Variants in AMOTL1 observed in about 807,000 individuals in gnomAD.
The protein encoded by AMOTL1 is angiomotin like 1.
A neutral mutation model predicts 102.9 loss-of-function variants in AMOTL1; 45 were observed. That is an observed-to-expected ratio of 0.44 (90% CI 0.34 to 0.56). AMOTL1 has a LOEUF of 0.56. AMOTL1 is among the 20% of genes least tolerant of loss of function. The pLI is 0.01. For missense variants in AMOTL1, 1,114 were observed against 1,225.6 expected (o/e 0.91, Z 1.36); for synonymous variants, 481 against 484.7 (o/e 0.99, Z 0.10).
intron 1 of AMOTL1, among the ~76,000 whole-genome samples, chr11:94,715,133 T>C (rs370050333): frequency 2.4e-4 from 36 of 152,280 alleles, no homozygotes; most frequent in African/African-American, 8.4e-4. Flanking sequence ...TATGGCTTAT[T>C]TAAAAGTGTG....
In AMOTL1 at chr11:94,741,205, C is replaced by CGTGTGTGTGT. The variant is rs148548948; in HGVS notation, c.136+223_136+232dup. ...CAGGGCAAGTGTCCAATGAGCCGTG[C>CGTGTGTGTGT]GTGTGTGTGTGTGTGCGTGCGTGTG... On this transcript the variant is annotated intron_variant, in intron 3 of 4. Coordinates refer to the AMOTL1 transcript ENST00000299004. Among the ~76,000 whole-genome samples the CGTGTGTGTGT allele has an allele frequency of 7.6e-4, 114 of 150,272 alleles. 2 individuals are homozygous for CGTGTGTGTGT. The South Asian group carries it at 0.015, about 20-fold the overall frequency.
intron 6 of AMOTL1, among the ~76,000 whole-genome samples, chr11:94,837,930 C>T (rs949746538): frequency 6.6e-6 from 1 of 152,172 alleles, no homozygotes; most frequent in Non-Finnish European, 1.5e-5. Context: ...AACTGGAAAA[C>T]ATACTGAAAT....
chr11:94,711,194 T>C (rs1404419654), intron 1 of AMOTL1, among the ~76,000 whole-genome samples: 1 of 152,134 alleles, frequency 6.6e-6, no homozygotes, highest in African/African-American at 2.4e-5. Context: ...GTTTGACAGA[T>C]CCATCTCATT....
chr11:94,853,403 A>G (rs333026), intron 7 of AMOTL1, among the ~76,000 whole-genome samples: 21,693 of 151,210 alleles, frequency 0.14, 3,454 homozygotes, highest in African/African-American at 0.4. Context: ...TGTGGTGTTT[A>G]GTTTTCTGTT....
intron 3 of AMOTL1, among the ~76,000 whole-genome samples, chr11:94,761,491 G>A (rs1022377518): frequency 2.6e-5 from 4 of 151,818 alleles, no homozygotes; most frequent in African/African-American, 9.7e-5. Flanking sequence ...GCCTGGCCCA[G>A]GACTTTATTT....
At chr11:94,850,967 G>A (rs772307949) in intron 7 of AMOTL1, among the ~76,000 whole-genome samples, 2 of 152,178 alleles carry the variant, frequency 1.3e-5, no homozygotes, top group Non-Finnish European at 2.9e-5. Context: ...AACCTCCCCC[G>A]ATGCTAAGTA....
intron 1 of AMOTL1, among the ~76,000 whole-genome samples, chr11:94,718,083 T>C (rs1950122361): frequency 6.6e-6 from 1 of 151,960 alleles, no homozygotes; most frequent in South Asian, 2.1e-4. Context: ...GAAATCTCAC[T>C]CCCTTCCCTA....
intron 1 of AMOTL1, among the ~76,000 whole-genome samples, chr11:94,708,317 C>T (rs570086823): frequency 4.6e-5 from 7 of 152,262 alleles, no homozygotes; most frequent in Admixed American, 1.3e-4. Context: ...CTTGTAGGTG[C>T]TTTAAGGAGA....
In AMOTL1 at chr11:94,859,554, G is replaced by C. The variant is rs553703205; in HGVS notation, c.1974G>C (p.Met658Ile). Residue 658 changes from methionine (M) to isoleucine (I), a missense_variant, in exon 9 of 13, where the codon ATG becomes ATC. Physicochemically the swap from Met to Ile is conservative, Grantham distance 10. Coordinates refer to ENST00000433060, the MANE Select transcript of AMOTL1 (RefSeq NM_130847.3). ...QKHGNGQPAN[M>I]PEYNAPALLE... is the part of the protein sequence containing the mutation. ...ATGGAAATGGCCAGCCAGCCAACAT[G>C]CCGGAATACAATGCCCCAGCCCTCC... 93 of 1,613,100 alleles carry C rather than the reference G, an allele frequency of 5.8e-5. No individual in the cohort carries two copies. The highest frequency in any genetic ancestry group is 5.0e-4 in the Middle Eastern group (3 of 6,056).
chr11:94,727,722 G>A (rs938393978), intron 1 of AMOTL1, among the ~76,000 whole-genome samples: 10 of 152,128 alleles, frequency 6.6e-5, no homozygotes, highest in African/African-American at 1.7e-4. Context: ...CTATTACACT[G>A]TGCCATATTC....
chr11:94,866,993 T>G (rs1309180605), intron 11 of AMOTL1, among the ~76,000 whole-genome samples: 1 of 152,102 alleles, frequency 6.6e-6, no homozygotes, highest in East Asian at 1.9e-4. Context: ...GTCCTCCACA[T>G]CCTTCCCCTG....
chr11:94,840,669 T>C (rs900551941), intron 6 of AMOTL1, among the ~76,000 whole-genome samples: 5 of 126,748 alleles, frequency 3.9e-5, no homozygotes, highest in Admixed American at 3.7e-4. Context: ...TATATATATA[T>C]ATATATATAT....
chr11:94,858,238 A>C (rs893979552), intron 8 of AMOTL1, among the ~76,000 whole-genome samples: 1 of 152,218 alleles, frequency 6.6e-6, no homozygotes, highest in Non-Finnish European at 1.5e-5. Flanking sequence ...GTGCCTGGCC[A>C]GATGGAGTCA....
chr11:94,772,711 C>A (rs768733680), intron 1 of AMOTL1, among the ~76,000 whole-genome samples: 2 of 152,128 alleles, frequency 1.3e-5, no homozygotes, highest in Non-Finnish European at 2.9e-5. Flanking sequence ...GTTTTCATTT[C>A]TCTGGCGTAA....
chr11:94,811,453 G>A (rs1050852525), intron 3 of AMOTL1, among the ~76,000 whole-genome samples: 16 of 151,800 alleles, frequency 1.1e-4, no homozygotes, highest in African/African-American at 3.4e-4. Flanking sequence ...CAAGATTAAT[G>A]CCACTGCACT....
intron 6 of AMOTL1, among the ~76,000 whole-genome samples, chr11:94,840,294 G>T (rs1425982084): frequency 6.6e-6 from 1 of 152,142 alleles, no homozygotes; most frequent in Non-Finnish European, 1.5e-5. Context: ...TGGATTCAGA[G>T]AACTTTTGAG....
chr11:94,770,000 A>C (rs1396096489), intron 1 of AMOTL1, among the ~76,000 whole-genome samples: 1 of 152,204 alleles, frequency 6.6e-6, no homozygotes, highest in Non-Finnish European at 1.5e-5. Context: ...CTACAGTTCC[A>C]GAAAATTTCC....
chr11:94,772,421 AC>A (rs1360977017), intron 1 of AMOTL1, among the ~76,000 whole-genome samples: 1 of 152,142 alleles, frequency 6.6e-6, no homozygotes, highest in Non-Finnish European at 1.5e-5. Context: ...ACTCCTGTTC[AC>A]CATATCTATA....
intron 8 of AMOTL1, among the ~76,000 whole-genome samples, chr11:94,856,593 C>G (rs781474457): frequency 1.3e-4 from 20 of 152,178 alleles, no homozygotes; most frequent in Non-Finnish European, 2.5e-4. Context: ...CACCCTCACG[C>G]AACTCATGAA....
Sources: gnomAD v4.1 joint callset for allele counts (sites outside exome capture counted in the v4.1 genomes callset) on GRCh38, gnomAD v4.1.1 for gene constraint, MANE v1.5 for transcripts, NCBI Gene and HGNC (gene_info 2026-07-23, HGNC 2026-07-21) for gene names.